The following CTTNBP2NL variants were observed in gnomAD, a reference collection of about 807,000 sequenced individuals.
CTTNBP2NL encodes CTTNBP2 N-terminal like, also known as CTTNBP2 N-terminal-like protein.
Under a neutral mutation model 32.5 loss-of-function variants are expected in CTTNBP2NL, and 16 were observed. The observed-to-expected ratio is 0.49, with a 90% CI of 0.33 to 0.75. The LOEUF (loss-of-function observed/expected upper bound fraction) is 0.75, where lower values mean the gene tolerates loss of function less well. Among genes scored for constraint, CTTNBP2NL ranks in the 30% least tolerant of loss-of-function variants. The pLI, the probability that CTTNBP2NL is intolerant of heterozygous loss-of-function variation, is 0.02. For synonymous variants in CTTNBP2NL, 298 were observed against 289.4 expected, an observed-to-expected ratio of 1.03 and a Z score of -0.30; for missense variants, 645 against 756.0, an observed-to-expected ratio of 0.85 and a Z score of 1.72.
At chr1:112,418,829 A>C (rs1452188370) in intron 3 of CTTNBP2NL, among the ~76,000 whole-genome samples, 1 of 152,164 alleles carries the variant, frequency 6.6e-6, no homozygotes, top group African/African-American at 2.4e-5. Flanking sequence ...TGGCCATTTT[A>C]AAAAATCTGA....
chr1:112,447,161 C>G (rs2101028634), intron 3 of CTTNBP2NL, among the ~76,000 whole-genome samples: 1 of 151,022 alleles, frequency 6.6e-6, no homozygotes, highest in East Asian at 2.0e-4. Flanking sequence ...GTAGTCCCAG[C>G]TACTTGGGAG....
intron 1 of CTTNBP2NL, among the ~76,000 whole-genome samples, chr1:112,411,808 G>GACTA: frequency 6.6e-6 from 1 of 151,950 alleles, no homozygotes; most frequent in African/African-American, 2.4e-5. Context: ...TTAGCCTCGT[G>GACTA]AGTAGCTGGG....
At chr1:112,401,720 G>T (rs147151096) in intron 1 of CTTNBP2NL, among the ~76,000 whole-genome samples, 3 of 152,058 alleles carry the variant, frequency 2.0e-5, no homozygotes, top group Non-Finnish European at 4.4e-5. Context: ...GAGTTTGTGG[G>T]TTGAAGAAAA....
At chr1:112,414,338 T>C (rs1239069098) in intron 2 of CTTNBP2NL, among the ~76,000 whole-genome samples, 1 of 152,214 alleles carries the variant, frequency 6.6e-6, no homozygotes, top group Non-Finnish European at 1.5e-5. Flanking sequence ...CATTCCAGCC[T>C]GGGCAACTGA....
At chr1:112,405,263 C>A (rs1342240254) in intron 1 of CTTNBP2NL, among the ~76,000 whole-genome samples, 1 of 152,076 alleles carries the variant, frequency 6.6e-6, no homozygotes, top group East Asian at 1.9e-4. Flanking sequence ...GATGAGAATA[C>A]CTGAGATGGT....
At chr1:112,450,688 C>T (rs557872350) in intron 4 of CTTNBP2NL, among the ~76,000 whole-genome samples, 181 of 151,482 alleles carry the variant, frequency 1.2e-3, no homozygotes, top group Non-Finnish European at 1.8e-3. Flanking sequence ...AAAAATAATT[C>T]AAAATTTCTT....
intron 1 of CTTNBP2NL, among the ~76,000 whole-genome samples, chr1:112,399,190 G>A (rs1480064238): frequency 6.6e-6 from 1 of 151,870 alleles, no homozygotes; most frequent in Non-Finnish European, 1.5e-5. Flanking sequence ...GTGGTGGCAT[G>A]CACCTGTAAT....
At chr1:112,432,402 A>AT (rs1649595287) in intron 3 of CTTNBP2NL, among the ~76,000 whole-genome samples, 1 of 152,100 alleles carries the variant, frequency 6.6e-6, no homozygotes, top group African/African-American at 2.4e-5. Flanking sequence ...CTGATGATGG[A>AT]ATTAAAATAA....
chr1:112,448,870 C>A, intron 3 of CTTNBP2NL, 72 bp from the exon 4 acceptor site: 1 of 832,186 alleles, frequency 1.2e-6, no homozygotes. Context: ...AATGTATAAC[C>A]ACTGGATAGC....
rs186653676 is a variant in CTTNBP2NL, at chr1:112,442,910, C to T, written c.100-6032C>T. On this transcript the variant is annotated intron_variant, in intron 3 of 5. Transcript: ENST00000271277. ...TTCGCCATGTTGGCCAGGCTGCTCTCGAACTTCTGACCTCAGGTGATCACC... is the reference window on the plus strand; with the variant it reads ...TTCGCCATGTTGGCCAGGCTGCTCTTGAACTTCTGACCTCAGGTGATCACC... Among the ~76,000 whole-genome samples the T allele has an allele frequency of 3.0e-3, 453 of 151,886 alleles. 2 individuals carry two copies. The highest frequency in any genetic ancestry group is 0.01 in the African/African-American group (417 of 41,438).
intron 3 of CTTNBP2NL, among the ~76,000 whole-genome samples, chr1:112,435,454 G>A (rs971688176): frequency 3.4e-4 from 51 of 152,000 alleles, no homozygotes; most frequent in Admixed American, 6.6e-5. Flanking sequence ...ATGATTTCAG[G>A]CCCTGTAAGT....
intron 1 of CTTNBP2NL, among the ~76,000 whole-genome samples, chr1:112,397,981 C>T (rs1355111502): frequency 6.6e-6 from 1 of 152,136 alleles, no homozygotes; most frequent in Non-Finnish European, 1.5e-5. Flanking sequence ...TTCCAAATCT[C>T]CAGTAAGAAA....
Position 112,459,247 on chromosome 1 carries a change from G to A in CTTNBP2NL, c.*1835G>A, listed in dbSNP as rs561274440. The A allele has an allele frequency of 3.3e-5, 5 of 152,202 alleles. No homozygotes were observed. The East Asian group carries it at 7.7e-4, about 24-fold the overall frequency. 9.4% of individuals were successfully genotyped at this position (152,202 alleles called of 1,614,324 possible). A position where few individuals can be genotyped will look rare whatever the true frequency, so the allele number is the denominator to read the frequency against. Reference sequence around the variant, plus strand: ...ACAAAAGCCTCCAAACTTTCCAACTGTGTAGGCCAGTACAGCTGGCAAGGT... The same window carrying A: ...ACAAAAGCCTCCAAACTTTCCAACTATGTAGGCCAGTACAGCTGGCAAGGT... On this transcript the variant is annotated 3_prime_UTR_variant, in exon 6 of 6. Coordinates refer to ENST00000271277, the MANE Select transcript of CTTNBP2NL (RefSeq NM_018704.3).
At chr1:112,455,763 T>A (rs1027203377) in intron 5 of CTTNBP2NL, among the ~76,000 whole-genome samples, 168 bp from the exon 6 acceptor site, 4 of 152,318 alleles carry the variant, frequency 2.6e-5, no homozygotes, top group Middle Eastern at 3.4e-3. Context: ...AAAGAAAGAT[T>A]AAATCATAGT....
intron 3 of CTTNBP2NL, among the ~76,000 whole-genome samples, chr1:112,430,818 C>G (rs1252382562): frequency 1.3e-5 from 2 of 151,468 alleles, no homozygotes; most frequent in Admixed American, 6.6e-5. Flanking sequence ...CTCTTGACCT[C>G]GTGATCTGCC....
At chr1:112,402,701 A>G (rs2100990965) in intron 1 of CTTNBP2NL, among the ~76,000 whole-genome samples, 1 of 152,322 alleles carries the variant, frequency 6.6e-6, no homozygotes, top group South Asian at 2.1e-4. Context: ...AACTGACTTA[A>G]TGTTTGAGGG....
chr1:112,456,786 G>T lies in CTTNBP2NL; in HGVS notation c.1294G>T (p.Val432Leu), dbSNP rs939783430. 6.2e-7 allele frequency: 1 copy of T among 1,613,898 alleles called. No individual in the cohort carries two copies. The highest frequency in any genetic ancestry group is 2.2e-5 in the East Asian group (1 of 44,874). Residue 432 changes from valine to leucine, a missense_variant, in exon 6 of 6, where the codon GTA becomes TTA. Val to Leu is a conservative substitution (Grantham distance 32). Coordinates refer to ENST00000271277, the MANE Select transcript of CTTNBP2NL (RefSeq NM_018704.3). Reference protein sequence around the residue: ...SLTSSPCSSPVLTKRLLGSSA... With the variant: ...SLTSSPCSSPLLTKRLLGSSA... ...AACATCCTCTCCTTGCTCTTCGCCGGTACTCACTAAGCGTTTATTGGGGTC... is the reference window on the plus strand; with the variant it reads ...AACATCCTCTCCTTGCTCTTCGCCGTTACTCACTAAGCGTTTATTGGGGTC...
chr1:112,435,317 TTTATTA>T (rs779032949), intron 3 of CTTNBP2NL, among the ~76,000 whole-genome samples: 1 of 152,004 alleles, frequency 6.6e-6, no homozygotes, highest in Non-Finnish European at 1.5e-5. Flanking sequence ...TTTCTTTATG[TTTATTA>T]TTATTATTTT....
At chr1:112,399,119 A>T (rs1280704935) in intron 1 of CTTNBP2NL, among the ~76,000 whole-genome samples, 2 of 151,832 alleles carry the variant, frequency 1.3e-5, no homozygotes, top group African/African-American at 4.8e-5. Flanking sequence ...GGAGTTCGAG[A>T]CCAGCCTGGC....
Sources: allele counts gnomAD v4.1 joint callset (sites outside exome capture counted in the v4.1 genomes callset), GRCh38; gene constraint gnomAD v4.1.1; transcripts MANE v1.5; gene names NCBI Gene and HGNC (gene_info 2026-07-23, HGNC 2026-07-21).